The following ATRNL1 variants were observed in gnomAD, a reference collection of about 807,000 sequenced individuals.
ATRNL1 encodes attractin-like protein 1.
A neutral mutation model predicts 182.7 loss-of-function variants in ATRNL1; 95 were observed. The observed-to-expected ratio is 0.52, with a 90% CI of 0.44 to 0.62. The LOEUF (loss-of-function observed/expected upper bound fraction) is 0.62, where lower values mean the gene tolerates loss of function less well. Ranked by LOEUF, ATRNL1 falls within the 20% of genes least tolerant of loss-of-function variation. The pLI is 0.00. For synonymous variants in ATRNL1, 576 were observed against 568.3 expected (o/e 1.01, Z -0.19); for missense variants, 1,471 against 1,679.5 (o/e 0.88, Z 2.17).
intron 21 of ATRNL1, among the ~76,000 whole-genome samples, chr10:115,429,844 A>G (rs907855441): frequency 6.6e-5 from 10 of 152,056 alleles, no homozygotes; most frequent in Admixed American, 3.3e-4. Flanking sequence ...ACAAAGGGCG[A>G]ATCACGAGGT....
At chr10:115,747,709 C>T (rs1948333639) in intron 27 of ATRNL1, among the ~76,000 whole-genome samples, 1 of 151,956 alleles carries the variant, frequency 6.6e-6, no homozygotes, top group Non-Finnish European at 1.5e-5. Context: ...TGTGTTATTC[C>T]ATCTGGACTG....
chr10:115,338,933 T>C (rs1461365693), intron 19 of ATRNL1, among the ~76,000 whole-genome samples: 2 of 152,216 alleles, frequency 1.3e-5, no homozygotes, highest in Non-Finnish European at 2.9e-5. Context: ...TTCATTCTTC[T>C]GCATATGGAT....
At chr10:115,808,167 A>T (rs1949965907) in intron 27 of ATRNL1, among the ~76,000 whole-genome samples, 1 of 152,190 alleles carries the variant, frequency 6.6e-6, no homozygotes, top group African/African-American at 2.4e-5. Context: ...TAACAAATTT[A>T]TCTGTTTTTC....
rs116942569 is a variant in ATRNL1, at chr10:115,238,012, C to T, written c.1533-3559C>T. Among the ~76,000 whole-genome samples, 608 of 152,154 alleles carry T rather than the reference C, an allele frequency of 4.0e-3. 2 individuals are homozygous for T. The highest frequency in any genetic ancestry group is 3.1e-3 in the Non-Finnish European group (213 of 67,976). ...ATAGACAGTCCTTTCATTGTTGAAT[C>T]GTTTTTTCTATTTTGTCAAAGATCA... On this transcript the variant is annotated intron_variant, in intron 9 of 28. Coordinates refer to ENST00000355044, the MANE Select transcript of ATRNL1 (RefSeq NM_207303.4).
chr10:115,854,179 A>C (rs1455558824), intron 28 of ATRNL1, among the ~76,000 whole-genome samples: 1 of 152,264 alleles, frequency 6.6e-6, no homozygotes, highest in African/African-American at 2.4e-5. Context: ...GAGATGAAAT[A>C]AAACAGATGG....
At chr10:115,845,416 T>A (rs146339111) in intron 27 of ATRNL1, among the ~76,000 whole-genome samples, 4 of 152,184 alleles carry the variant, frequency 2.6e-5, no homozygotes, top group Non-Finnish European at 5.9e-5. Context: ...CTGTCCTTAT[T>A]TGTTGCTAAG....
intron 21 of ATRNL1, among the ~76,000 whole-genome samples, chr10:115,444,426 C>T (rs1298531654): frequency 2.0e-5 from 3 of 151,860 alleles, no homozygotes; most frequent in Non-Finnish European, 4.4e-5. Flanking sequence ...GGCTACATTA[C>T]TGAATTGTTT....
intron 28 of ATRNL1, among the ~76,000 whole-genome samples, chr10:115,865,349 T>G (rs1403840618): frequency 6.6e-6 from 1 of 152,212 alleles, no homozygotes; most frequent in Non-Finnish European, 1.5e-5. Context: ...TTCCTGCATG[T>G]CTAAATTTAT....
At chr10:115,456,656 T>G (rs1847539384) in intron 21 of ATRNL1, among the ~76,000 whole-genome samples, 1 of 152,138 alleles carries the variant, frequency 6.6e-6, no homozygotes, top group Admixed American at 6.6e-5. Flanking sequence ...AATTTTTGAA[T>G]AGTAATATAT....
chr10:115,390,277 A>G (rs1554954062), intron 19 of ATRNL1, among the ~76,000 whole-genome samples: 1 of 152,164 alleles, frequency 6.6e-6, no homozygotes, highest in African/African-American at 2.4e-5. Context: ...TGCCCAGATC[A>G]ATGTCATGTA....
At chr10:115,648,013 T>A (rs1244361392) in intron 26 of ATRNL1, among the ~76,000 whole-genome samples, 1 of 152,206 alleles carries the variant, frequency 6.6e-6, no homozygotes, top group Non-Finnish European at 1.5e-5. Flanking sequence ...TCTCTACATA[T>A]GGCTAGCCAG....
intron 27 of ATRNL1, among the ~76,000 whole-genome samples, chr10:115,761,286 G>T (rs1400455702): frequency 6.6e-6 from 1 of 152,140 alleles, no homozygotes; most frequent in African/African-American, 2.4e-5. Context: ...TTGTAAGTTT[G>T]CCTCTTTGTG....
At chr10:115,658,998 A>T (rs1423804980) in intron 26 of ATRNL1, among the ~76,000 whole-genome samples, 2 of 152,294 alleles carry the variant, frequency 1.3e-5, no homozygotes, top group African/African-American at 2.4e-5. Context: ...ATAAGCTCTC[A>T]TAAGAATGTA....
At chr10:115,367,532 C>G (rs1554946390) in intron 19 of ATRNL1, among the ~76,000 whole-genome samples, 2 of 152,034 alleles carry the variant, frequency 1.3e-5, no homozygotes, top group Admixed American at 1.3e-4. Flanking sequence ...CAAAGTCATT[C>G]TCCATCCAGC....
intron 22 of ATRNL1, 110 bp downstream of exon 22, chr10:115,462,145 A>T: frequency 1.7e-6 from 1 of 603,998 alleles, no homozygotes; most frequent in Non-Finnish European, 2.7e-6. Flanking sequence ...GGGCCTTTGT[A>T]GAAACTACTA....
chr10:115,931,865 G>T (rs772085830), intron 28 of ATRNL1, among the ~76,000 whole-genome samples: 2 of 152,198 alleles, frequency 1.3e-5, no homozygotes, highest in South Asian at 4.1e-4. Context: ...GAAACATGTC[G>T]GCAGGGATTG....
intron 24 of ATRNL1, among the ~76,000 whole-genome samples, chr10:115,483,757 A>G (rs1848882939): frequency 2.0e-5 from 3 of 151,722 alleles, no homozygotes; most frequent in African/African-American, 7.2e-5. Context: ...TTATGATTCC[A>G]TTTTACTTAT....
intron 1 of ATRNL1, among the ~76,000 whole-genome samples, chr10:115,096,173 T>A (rs947581287): frequency 3.3e-5 from 5 of 152,234 alleles, no homozygotes; most frequent in Non-Finnish European, 5.9e-5. Context: ...TGAGTATTCA[T>A]CTTTTCCTTG....
chr10:115,702,643 G>A (rs7897855), intron 26 of ATRNL1, among the ~76,000 whole-genome samples: 69,521 of 151,552 alleles, frequency 0.46, 16,648 homozygotes, highest in East Asian at 0.71. Flanking sequence ...CTATACACCA[G>A]TAACATTCAA....
Sources: gnomAD v4.1 joint callset for allele counts (sites outside exome capture counted in the v4.1 genomes callset) on GRCh38, gnomAD v4.1.1 for gene constraint, MANE v1.5 for transcripts, NCBI Gene and HGNC (gene_info 2026-07-23, HGNC 2026-07-21) for gene names.